UGT1A10: variants seen among roughly 807,000 people sequenced by gnomAD.
UGT1A10 encodes the protein UDP-glucuronosyltransferase 1A10.
A neutral mutation model predicts 45.8 loss-of-function variants in UGT1A10; 49 were observed. That is an observed-to-expected ratio of 1.07 (90% CI 0.85 to 1.36). The LOEUF (loss-of-function observed/expected upper bound fraction) is 1.36. UGT1A10 is among the 40% of genes most tolerant of loss of function. UGT1A10 has a pLI of 0.00. For synonymous variants in UGT1A10, 284 were observed against 249.7 expected (o/e 1.14, Z -1.29); for missense variants, 745 against 668.6 (o/e 1.11, Z -1.26).
At chr2:233,686,995 T>A (rs2074816437) in intron 1 of UGT1A10, among the ~76,000 whole-genome samples, 1 of 152,180 alleles carries the variant, frequency 6.6e-6, no homozygotes, top group South Asian at 2.1e-4. Flanking sequence ...AAGTCTTGGT[T>A]TCAACACTAG....
chr2:233,678,051 G>C (rs540065038), intron 1 of UGT1A10, among the ~76,000 whole-genome samples: 12 of 152,258 alleles, frequency 7.9e-5, no homozygotes, highest in African/African-American at 2.2e-4. Context: ...ATTACCCTAA[G>C]GGAATATATA....
chr2:233,671,930 C>G, intron 1 of UGT1A10: 4 of 1,602,274 alleles, frequency 2.5e-6, no homozygotes, highest in Non-Finnish European at 3.4e-6. Flanking sequence ...AGCTGCAGTT[C>G]TCTGATGGCT....
intron 1 of UGT1A10, among the ~76,000 whole-genome samples, chr2:233,645,094 A>G (rs761752760): frequency 2.6e-5 from 4 of 152,200 alleles, no homozygotes; most frequent in Non-Finnish European, 5.9e-5. Flanking sequence ...AAAGAACTTT[A>G]AAAAACAATC....
At chr2:233,656,995 G>C (rs1322073740) in intron 1 of UGT1A10, among the ~76,000 whole-genome samples, 1 of 151,866 alleles carries the variant, frequency 6.6e-6, no homozygotes, top group East Asian at 1.9e-4. Flanking sequence ...CCTGCGTTAG[G>C]ACCTAACCTT....
intron 1 of UGT1A10, among the ~76,000 whole-genome samples, chr2:233,759,538 A>G (rs1009544779): frequency 6.6e-6 from 1 of 152,036 alleles, no homozygotes; most frequent in Non-Finnish European, 1.5e-5. Context: ...TTCTGTTCAC[A>G]TGCGCTCCAG....
intron 1 of UGT1A10, among the ~76,000 whole-genome samples, chr2:233,745,292 C>G (rs13426130): frequency 6.6e-6 from 1 of 151,882 alleles, no homozygotes. Context: ...TGGGGATAAA[C>G]GTGGGATGCA....
intron 1 of UGT1A10, among the ~76,000 whole-genome samples, chr2:233,720,871 ATTTT>A (rs60621337): frequency 2.3e-5 from 3 of 132,772 alleles, no homozygotes; most frequent in African/African-American, 8.6e-5. Flanking sequence ...GCTCCTGGCA[ATTTT>A]TTTTTTTTTT....
At chr2:233,693,047 G>A (rs2075129391) in intron 1 of UGT1A10, 1 of 1,614,146 alleles carries the variant, frequency 6.2e-7, no homozygotes, top group Non-Finnish European at 8.5e-7. Context: ...TTCTGCAGGG[G>A]TTTTCTTCTT....
intron 1 of UGT1A10, among the ~76,000 whole-genome samples, chr2:233,720,647 A>G (rs1240527051): frequency 6.6e-6 from 1 of 152,088 alleles, no homozygotes; most frequent in African/African-American, 2.4e-5. Flanking sequence ...CTGGGATGTG[A>G]AAAACCAAAT....
In UGT1A10 at chr2:233,636,646, C is replaced by A; in HGVS notation, c.124C>A (p.Gln42Lys). 2 of 1,614,100 alleles carry A rather than the reference C, an allele frequency of 1.2e-6. No homozygotes were observed. The highest frequency in any genetic ancestry group is 1.3e-5 in the African/African-American group (1 of 75,010). Residue 42 changes from glutamine (Q) to lysine (K), a missense_variant, in exon 1 of 5, where the codon CAG (glutamine) becomes AAG (lysine). Physicochemically the swap from Gln to Lys is moderately conservative, Grantham distance 53. Coordinates refer to ENST00000344644, the MANE Select transcript of UGT1A10 (RefSeq NM_019075.4). ...PMDGSHWFTM[Q>K]SVVEKLILRG... ...GGATGGGAGTCACTGGTTCACCATG[C>A]AGTCGGTGGTGGAGAAACTTATCCT...
At chr2:233,729,082 G>C (rs2077787378) in intron 1 of UGT1A10, 1 of 1,612,252 alleles carries the variant, frequency 6.2e-7, no homozygotes, top group Non-Finnish European at 8.5e-7. Context: ...AATGTAGCAG[G>C]CACAGCGTGG....
intron 1 of UGT1A10, chr2:233,743,466 A>C (rs1692304653): frequency 7.3e-7 from 1 of 1,366,560 alleles, no homozygotes; most frequent in South Asian, 1.1e-5. Flanking sequence ...AAACACCCCC[A>C]AAAGCTGGAA....
intron 1 of UGT1A10, chr2:233,755,135 T>A (rs1342380152): frequency 7.6e-7 from 1 of 1,315,532 alleles, no homozygotes; most frequent in African/African-American, 1.5e-5. Flanking sequence ...CCTGCTTGAA[T>A]CTTCTCACCG....
At chr2:233,682,216 T>TG (rs1186341216) in intron 1 of UGT1A10, 2 of 1,614,148 alleles carry the variant, frequency 1.2e-6, no homozygotes, top group African/African-American at 2.7e-5. Context: ...TCATGGTTTT[T>TG]GCCGATGCTC....
At chr2:233,753,957 TAA>T (rs1695357056) in intron 1 of UGT1A10, among the ~76,000 whole-genome samples, 1 of 152,156 alleles carries the variant, frequency 6.6e-6, no homozygotes, top group Non-Finnish European at 1.5e-5. Flanking sequence ...TCCAAAATAT[TAA>T]GAGAATAACG....
At chr2:233,662,594 A>G (rs2073998322) in intron 1 of UGT1A10, among the ~76,000 whole-genome samples, 1 of 152,132 alleles carries the variant, frequency 6.6e-6, no homozygotes. Context: ...AGATCCTTTT[A>G]CTTTTCAGAT....
intron 1 of UGT1A10, among the ~76,000 whole-genome samples, chr2:233,637,582 T>A (rs971708136): frequency 2.1e-4 from 32 of 152,218 alleles, no homozygotes; most frequent in African/African-American, 7.2e-4. Flanking sequence ...TGTAATAATT[T>A]AAAAATTATA....
intron 1 of UGT1A10, chr2:233,722,033 A>G (rs915638296): frequency 4.1e-6 from 1 of 246,466 alleles, no homozygotes; most frequent in Non-Finnish European, 8.1e-6. Context: ...CTTGAATTGC[A>G]TGATTTTGTG....
At chr2:233,742,666 A>G (rs1212391572) in intron 1 of UGT1A10, 1 of 152,150 alleles carries the variant, frequency 6.6e-6, no homozygotes, top group African/African-American at 2.4e-5. Context: ...TGTAACCCCA[A>G]GGTTTGTCCT....
Sources: allele counts gnomAD v4.1 joint callset (sites outside exome capture counted in the v4.1 genomes callset), GRCh38; gene constraint gnomAD v4.1.1; transcripts MANE v1.5; gene names NCBI Gene and HGNC (gene_info 2026-07-23, HGNC 2026-07-21).